Variants in ABAT observed in about 807,000 individuals in gnomAD.
ABAT encodes the protein 4-aminobutyrate aminotransferase.
A neutral mutation model predicts 64.6 loss-of-function variants in ABAT; 45 were observed. The observed-to-expected ratio is 0.70, with a 90% CI of 0.55 to 0.89. The LOEUF (loss-of-function observed/expected upper bound fraction) is 0.89. Among genes scored for constraint, ABAT ranks in the 40% least tolerant of loss-of-function variants. ABAT has a pLI of 0.00. For missense variants in ABAT, 633 were observed against 658.4 expected (o/e 0.96, Z 0.42); for synonymous variants, 297 against 250.5 (o/e 1.19, Z -1.75).
At position 8,746,074 on chromosome 16, in the gene ABAT, G is replaced by C. The variant is rs777699903; in HGVS notation, c.144G>C (p.Thr48=). The change falls in exon 3 of 16, where the codon ACG becomes ACC. Residue 48 remains threonine, a synonymous_variant. Transcript: ENST00000268251. Reference sequence around the variant, plus strand: ...ATTATGATGGGCCTCTGATGAAGACGGAAGTCCCAGGGCCTAGATCTCAGG... The same window carrying C: ...ATTATGATGGGCCTCTGATGAAGACCGAAGTCCCAGGGCCTAGATCTCAGG... The part of the protein sequence containing the change: ...EFDYDGPLMK[T]EVPGPRSQEL... The C allele has an allele frequency of 1.2e-6, 2 of 1,613,518 alleles. No individual in the cohort carries two copies. The highest frequency in any genetic ancestry group is 1.7e-6 in the Non-Finnish European group (2 of 1,179,944).
intron 2 of ABAT, among the ~76,000 whole-genome samples, chr16:8,743,309 T>C (rs2059217911): frequency 1.7e-5 from 1 of 58,514 alleles, no homozygotes; most frequent in South Asian, 5.1e-4. Context: ...GCTATCTGCA[T>C]GTGTGTCTCT....
Position 8,779,470 on chromosome 16 carries a change from C to T in ABAT, c.1270-9C>T, listed in dbSNP as rs1163219726. 6.2e-7 allele frequency: 1 copy of T among 1,613,014 alleles called. No individual in the cohort carries two copies. The highest frequency in any genetic ancestry group is 8.5e-7 in the Non-Finnish European group (1 of 1,179,160). On this transcript the variant is annotated splice_polypyrimidine_tract_variant and intron_variant, in intron 14 of 15. Coordinates refer to ENST00000268251, the MANE Select transcript of ABAT (RefSeq NM_020686.6). The stretch of plus-strand genomic sequence containing the variant: ...GCTTTGACGCCAGCCTTGTCTCCTC[C>T]CACTACAGGCCCGGTACCCCCAGTT...
chr16:8,724,051 G>C (rs1409695564), intron 1 of ABAT, among the ~76,000 whole-genome samples: 1 of 151,412 alleles, frequency 6.6e-6, no homozygotes, highest in South Asian at 2.1e-4. Flanking sequence ...ATTTTGGCCA[G>C]GCTGGTCTTG....
At chr16:8,700,957 G>T (rs1004738616) in intron 1 of ABAT, among the ~76,000 whole-genome samples, 1 of 135,096 alleles carries the variant, frequency 7.4e-6, no homozygotes, top group Non-Finnish European at 1.5e-5. Flanking sequence ...TCTTTGAGAT[G>T]GAGTGTCACT....
In ABAT at chr16:8,739,746, A is replaced by T. The variant is rs973217889; in HGVS notation, c.70+3937A>T. Among the ~76,000 whole-genome samples, 9 of 114,298 alleles carry T rather than the reference A, an allele frequency of 7.9e-5. No homozygotes were observed. In the East Asian group the frequency reaches 2.2e-3, roughly 28 times the overall value. The allele number at this position is 114,298 out of a possible 152,430, so 75.0% of individuals were successfully genotyped here. ...TTTACAAGCATGGAAATACAGGCAC[A>T]ATGCAAAAAACAAAAAAACAGAAAA... On this transcript the variant is annotated intron_variant, in intron 2 of 15. Coordinates refer to ENST00000268251, the MANE Select transcript of ABAT (RefSeq NM_020686.6).
At chr16:8,755,850 C>T (rs573377256) in intron 5 of ABAT, among the ~76,000 whole-genome samples, 37 of 152,292 alleles carry the variant, frequency 2.4e-4, no homozygotes, top group African/African-American at 8.4e-4. Context: ...CAGATTGAGA[C>T]CATCCTGGGT....
At chr16:8,747,844 C>G (rs1475199752) in intron 3 of ABAT, among the ~76,000 whole-genome samples, 1 of 151,982 alleles carries the variant, frequency 6.6e-6, no homozygotes. Flanking sequence ...TTAAGATTTT[C>G]TTGCTAAATA....
chr16:8,708,479 G>A (rs2057999424), intron 1 of ABAT, among the ~76,000 whole-genome samples: 1 of 151,690 alleles, frequency 6.6e-6, no homozygotes, highest in Non-Finnish European at 1.5e-5. Flanking sequence ...GGTGGCTCGG[G>A]GGCAGGGTTG....
intron 2 of ABAT, among the ~76,000 whole-genome samples, chr16:8,737,991 G>GGAAGAAA (rs1567295685): frequency 0.022 from 324 of 14,946 alleles, 97 homozygotes; most frequent in Middle Eastern, 0.059. Context: ...GAAGGAAGGA[G>GGAAGAAA]GAAAGAAAGA....
chr16:8,772,853 C>T lies in ABAT; in HGVS notation c.890C>T (p.Ser297Phe). Residue 297 changes from serine (S) to phenylalanine (F), a missense_variant, in exon 12 of 16, where the codon TCC becomes TTC. Physicochemically the swap from Ser to Phe is radical, Grantham distance 155 (BLOSUM62 -2). Transcript: ENST00000268251. ...GGGATCATCGTGGAGCCCATCCAGT[C>T]CGAGGGTGGAGACAACCACGCATCC... Reference protein sequence around the residue: ...VAGIIVEPIQSEGGDNHASDD... With the variant: ...VAGIIVEPIQFEGGDNHASDD... 6.2e-7 allele frequency: 1 copy of T among 1,614,078 alleles called. No individual in the cohort carries two copies.
intron 14 of ABAT, among the ~76,000 whole-genome samples, chr16:8,778,120 T>C (rs1442803921): frequency 6.6e-6 from 1 of 152,132 alleles, no homozygotes; most frequent in Non-Finnish European, 1.5e-5. Context: ...TTCCAAGCCC[T>C]TGTTTGCTGT....
intron 15 of ABAT, chr16:8,780,484 G>C (rs1308363586): frequency 6.5e-6 from 1 of 153,828 alleles, no homozygotes; most frequent in African/African-American, 2.4e-5. Context: ...TAAACAGGCC[G>C]GGTGCAGTAG....
At chr16:8,770,873 T>A (rs540764902) in intron 11 of ABAT, among the ~76,000 whole-genome samples, 1 of 152,346 alleles carries the variant, frequency 6.6e-6, no homozygotes, top group South Asian at 2.1e-4. Context: ...GATTTTTATA[T>A]TCCTTTTTAA....
intron 1 of ABAT, among the ~76,000 whole-genome samples, chr16:8,689,012 A>G (rs1218521555): frequency 6.6e-6 from 1 of 151,666 alleles, no homozygotes; most frequent in African/African-American, 2.4e-5. Context: ...CCCAGAAGGC[A>G]GAGGTTGCAG....
chr16:8,756,555 A>G lies in ABAT; in HGVS notation c.317-1202A>G, dbSNP rs542220692. ...GGGACCAGTGCCTTTCCTAAGCCTA[A>G]TCCCCATCTCAATTCCTCTCTCAGA... On this transcript the variant is annotated intron_variant, in intron 5 of 15. Transcript: ENST00000268251. Among the ~76,000 whole-genome samples the G allele has an allele frequency of 3.3e-5, 5 of 152,270 alleles. No individual in the cohort carries two copies. In the South Asian group the frequency reaches 1.0e-3, roughly 32 times the overall value.
At chr16:8,678,227 T>C (rs1427031473) in intron 1 of ABAT, among the ~76,000 whole-genome samples, 2 of 152,246 alleles carry the variant, frequency 1.3e-5, no homozygotes, top group African/African-American at 2.4e-5. Context: ...GTCTGGTTTT[T>C]GTTTTTCTCT....
rs200734890 is a variant in ABAT at position 8,739,841 on chromosome 16, C to CT, written c.70+4038dup. 5.8e-3 allele frequency among the ~76,000 whole-genome samples: 875 copies of CT among 151,324 alleles called. 3 individuals are homozygous for CT. Among genetic ancestry groups the CT allele is most frequent in the Middle Eastern group, 0.037 (11 of 294 alleles). Reference sequence around the variant, plus strand: ...TGCATTTTCTTGGCTGGAGCTGAATCTTTTTTGGCACATTTATGATTTAGA... The same window carrying CT: ...TGCATTTTCTTGGCTGGAGCTGAATCTTTTTTTGGCACATTTATGATTTAGA... On this transcript the variant is annotated intron_variant, in intron 2 of 15. Coordinates refer to ENST00000268251, the MANE Select transcript of ABAT (RefSeq NM_020686.6).
rs377220277 is a variant in ABAT at position 8,768,958 on chromosome 16, C to T, written c.801C>T (p.Ala267=). The change falls in exon 11 of 16, where the codon GCC becomes GCT. Residue 267 remains alanine (A), a synonymous_variant. Transcript: ENST00000268251. The part of the protein sequence containing the change: ...EFVKENQQEE[A]RCLEEVEDLI... The stretch of plus-strand genomic sequence containing the variant: ...TGAAAGAGAACCAACAGGAGGAGGC[C>T]CGCTGTCTGGAAGAGGTAATGCTCA... The T allele has an allele frequency of 1.9e-5, 31 of 1,614,034 alleles. No homozygotes were observed. The highest frequency in any genetic ancestry group is 9.3e-5 in the African/African-American group (7 of 74,926).
At chr16:8,713,781 G>A (rs140998674) in intron 1 of ABAT, 14 of 443,946 alleles carry the variant, frequency 3.2e-5, no homozygotes, top group Middle Eastern at 7.2e-4. Flanking sequence ...AGCCAGCTGC[G>A]TTCCTGGCCT....
Sources: allele counts gnomAD v4.1 joint callset (sites outside exome capture counted in the v4.1 genomes callset), GRCh38; gene constraint gnomAD v4.1.1; transcripts MANE v1.5; gene names NCBI Gene and HGNC (gene_info 2026-07-23, HGNC 2026-07-21).